The following ARHGAP15 variants were observed in gnomAD, a reference collection of about 807,000 sequenced individuals.
The protein encoded by ARHGAP15 is rho GTPase-activating protein 15.
ARHGAP15 carries 51 observed loss-of-function variants against 63.7 expected under a neutral mutation model. The observed-to-expected ratio is 0.80, with a 90% CI of 0.64 to 1.01. ARHGAP15 has a LOEUF of 1.01. Ranked by LOEUF, ARHGAP15 falls within the 50% of genes least tolerant of loss-of-function variation. The probability of loss-of-function intolerance (pLI) is 0.00; values close to 1 mark genes in which losing one functional copy is unlikely to be tolerated. For missense variants in ARHGAP15, 560 were observed against 564.6 expected (o/e 0.99, Z 0.08); for synonymous variants, 191 against 193.8 (o/e 0.99, Z 0.12).
At chr2:143,583,490 A>G (rs1248502729) in intron 11 of ARHGAP15, among the ~76,000 whole-genome samples, 1 of 151,926 alleles carries the variant, frequency 6.6e-6, no homozygotes, top group African/African-American at 2.4e-5. Flanking sequence ...AAGTTGAGTT[A>G]CTCATGATGG....
intron 2 of ARHGAP15, among the ~76,000 whole-genome samples, chr2:143,180,462 A>G (rs1221520337): frequency 6.6e-6 from 1 of 152,162 alleles, no homozygotes; most frequent in Non-Finnish European, 1.5e-5. Flanking sequence ...TGAAGTCCTG[A>G]ACCCCTCAAA....
intron 3 of ARHGAP15, among the ~76,000 whole-genome samples, chr2:143,205,524 A>C (rs1045474425): frequency 1.3e-5 from 2 of 152,138 alleles, no homozygotes; most frequent in African/African-American, 4.8e-5. Flanking sequence ...ATATTTGTTG[A>C]ATGAAGGCAT....
intron 3 of ARHGAP15, among the ~76,000 whole-genome samples, chr2:143,211,252 A>C (rs1458546325): frequency 6.6e-6 from 1 of 151,572 alleles, no homozygotes; most frequent in Non-Finnish European, 1.5e-5. Context: ...ACCTAAAAAC[A>C]AAGGCAAAAT....
intron 6 of ARHGAP15, among the ~76,000 whole-genome samples, chr2:143,261,986 T>C (rs1476408253): frequency 6.6e-6 from 1 of 152,138 alleles, no homozygotes; most frequent in Admixed American, 6.5e-5. Flanking sequence ...ATAATGTCTT[T>C]AGATCTTGAG....
chr2:143,323,425 GA>G (rs1684109963), intron 6 of ARHGAP15, among the ~76,000 whole-genome samples: 3 of 152,270 alleles, frequency 2.0e-5, no homozygotes, highest in Non-Finnish European at 4.4e-5. Flanking sequence ...AGAAGTCTAT[GA>G]ATGTGGGAAT....
chr2:143,608,192 T>C lies in ARHGAP15; in HGVS notation c.1004-15941T>C, dbSNP rs540235486. ...CTAAATTAATATGAAAGATCCCAACTCAAAGGACTTCGGCCGTTAAGATTT... is the reference window on the plus strand; with the variant it reads ...CTAAATTAATATGAAAGATCCCAACCCAAAGGACTTCGGCCGTTAAGATTT... On this transcript the variant is annotated intron_variant, in intron 11 of 13. Transcript: ENST00000295095. 6 of 152,352 alleles carry C rather than the reference T, an allele frequency of 3.9e-5. No individual in the cohort carries two copies. In the East Asian group the frequency reaches 1.2e-3, roughly 29 times the overall value. 9.4% of individuals were successfully genotyped at this position (152,352 alleles called of 1,614,324 possible). A position where few individuals can be genotyped will look rare whatever the true frequency, so the allele number is the denominator to read the frequency against.
intron 11 of ARHGAP15, among the ~76,000 whole-genome samples, chr2:143,579,500 A>G (rs1696805501): frequency 6.6e-6 from 1 of 152,160 alleles, no homozygotes; most frequent in African/African-American, 2.4e-5. Context: ...GCCTAGGATA[A>G]ATGATGCTCT....
At chr2:143,687,194 A>G (rs573057528) in intron 12 of ARHGAP15, among the ~76,000 whole-genome samples, 103 of 152,176 alleles carry the variant, frequency 6.8e-4, no homozygotes, top group African/African-American at 2.5e-3. Flanking sequence ...AGGGATTGAT[A>G]TGGCTTAAAG....
rs75738088 is a variant in ARHGAP15, at chr2:143,230,540, A to T, written c.384+1872A>T. ...ATTTATTACTTCTGGCCCCATTTTT[A>T]ATGCTCTTATGGTTTCTACCAGGCA... On this transcript the variant is annotated intron_variant, in intron 5 of 13. Transcript: ENST00000295095. 1.5e-3 allele frequency among the ~76,000 whole-genome samples: 221 copies of T among 152,252 alleles called. 1 individual carries two copies. The East Asian group carries it at 0.033, about 23-fold the overall frequency.
chr2:143,294,581 G>A (rs144322952), intron 6 of ARHGAP15, among the ~76,000 whole-genome samples: 113 of 152,108 alleles, frequency 7.4e-4, no homozygotes, highest in African/African-American at 2.7e-3. Context: ...TCTACATCAA[G>A]CCAGTGGAAA....
At chr2:143,611,543 T>G (rs1046790154) in intron 11 of ARHGAP15, among the ~76,000 whole-genome samples, 23 of 152,182 alleles carry the variant, frequency 1.5e-4, no homozygotes, top group African/African-American at 5.1e-4. Context: ...TGACAGGTGT[T>G]AAGTTAATGG....
At chr2:143,624,686 T>A (rs888452003) in intron 12 of ARHGAP15, among the ~76,000 whole-genome samples, 41 of 152,296 alleles carry the variant, frequency 2.7e-4, no homozygotes, top group African/African-American at 9.1e-4. Flanking sequence ...GAAATATGTG[T>A]TAAATTATCA....
chr2:143,536,230 G>A (rs775760395), intron 10 of ARHGAP15, among the ~76,000 whole-genome samples: 52 of 152,016 alleles, frequency 3.4e-4, no homozygotes, highest in Admixed American at 2.6e-4. Flanking sequence ...GCCTCTAGTA[G>A]CCACCATTCC....
At chr2:143,676,670 A>G (rs1682840945) in intron 12 of ARHGAP15, 1 of 152,240 alleles carries the variant, frequency 6.6e-6, no homozygotes, top group Non-Finnish European at 1.5e-5. Flanking sequence ...ATATGGGCGC[A>G]GTTTGTGGCA....
intron 12 of ARHGAP15, among the ~76,000 whole-genome samples, chr2:143,635,841 T>A (rs1476439837): frequency 1.3e-5 from 2 of 152,130 alleles, no homozygotes; most frequent in African/African-American, 4.8e-5. Context: ...GATATATATA[T>A]ATATTTTAAT....
At chr2:143,686,430 A>ACTACT (rs1203811837) in intron 12 of ARHGAP15, among the ~76,000 whole-genome samples, 3 of 147,304 alleles carry the variant, frequency 2.0e-5, no homozygotes, top group African/African-American at 7.5e-5. Context: ...CTTGCAAAGC[A>ACTACT]CTACTCTCAA....
intron 6 of ARHGAP15, among the ~76,000 whole-genome samples, chr2:143,335,505 G>A (rs1303170814): frequency 6.6e-6 from 1 of 152,052 alleles, no homozygotes; most frequent in African/African-American, 2.4e-5. Flanking sequence ...TTTCTGTATG[G>A]CACACGCTTT....
chr2:143,245,621 C>CT lies in ARHGAP15; in HGVS notation c.385-4878dup, dbSNP rs35918190. Among the ~76,000 whole-genome samples, 724 of 144,630 alleles carry CT rather than the reference C, an allele frequency of 5.0e-3. 3 individuals carry two copies. Among genetic ancestry groups the CT allele is most frequent in the Non-Finnish European group, 8.4e-3 (555 of 65,974 alleles). The allele number at this position is 144,630 out of a possible 152,430, so 94.9% of individuals were successfully genotyped here. ...GTTGATGCTTGCTTTTCTTCTTCTTCTTTTTTTTTTTTAAACGGGTAATGA... is the reference window on the plus strand; with the variant it reads ...GTTGATGCTTGCTTTTCTTCTTCTTCTTTTTTTTTTTTTAAACGGGTAATGA... On this transcript the variant is annotated intron_variant, in intron 5 of 13. Transcript: ENST00000295095.
At chr2:143,603,745 C>G (rs1308308897) in intron 11 of ARHGAP15, among the ~76,000 whole-genome samples, 1 of 152,190 alleles carries the variant, frequency 6.6e-6, no homozygotes, top group Non-Finnish European at 1.5e-5. Flanking sequence ...AGGTACTGTT[C>G]AAATATTCCC....
Sources: allele counts gnomAD v4.1 joint callset (sites outside exome capture counted in the v4.1 genomes callset), GRCh38; gene constraint gnomAD v4.1.1; transcripts MANE v1.5; gene names NCBI Gene and HGNC (gene_info 2026-07-23, HGNC 2026-07-21).